The following CLDN16 variants were observed in gnomAD, a reference collection of about 807,000 sequenced individuals.
The protein encoded by CLDN16 is claudin-16.
Under a neutral mutation model 24.6 loss-of-function variants are expected in CLDN16, and 13 were observed. The ratio of observed to expected loss-of-function variants is 0.53; its 90% CI spans 0.34 to 0.84. The LOEUF (loss-of-function observed/expected upper bound fraction) is 0.84. CLDN16 is among the 40% of genes least tolerant of loss of function. The probability of loss-of-function intolerance (pLI) is 0.01; values close to 1 mark genes in which losing one functional copy is unlikely to be tolerated. For missense variants in CLDN16, 298 were observed against 292.7 expected (o/e 1.02, Z -0.13); for synonymous variants, 116 against 106.7 (o/e 1.09, Z -0.54).
At chr3:190,333,531 C>CATCTATCTATCT in intron 1 of CLDN16, among the ~76,000 whole-genome samples, 1 of 143,680 alleles carries the variant, frequency 7.0e-6, no homozygotes, top group Non-Finnish European at 1.5e-5. Context: ...ATCAGTCTAT[C>CATCTATCTATCT]ATCTATCTAT....
At chr3:190,335,989 A>T (rs900829427) in intron 1 of CLDN16, among the ~76,000 whole-genome samples, 1 of 152,138 alleles carries the variant, frequency 6.6e-6, no homozygotes, top group Non-Finnish European at 1.5e-5. Context: ...CAATTGCTAA[A>T]GTGTTGGAGA....
intron 3 of CLDN16, among the ~76,000 whole-genome samples, chr3:190,380,492 G>A (rs547475584): frequency 4.9e-4 from 75 of 152,080 alleles, no homozygotes; most frequent in African/African-American, 1.6e-3. Context: ...AAGCATTTTA[G>A]GCAGAAGAAA....
At chr3:190,348,253 CAAAA>C (rs35983526) in intron 1 of CLDN16, among the ~76,000 whole-genome samples, 1 of 56,018 alleles carries the variant, frequency 1.8e-5, no homozygotes, top group Non-Finnish European at 3.2e-5. Context: ...GACTCCGTCT[CAAAA>C]AAAAAAAAAA....
intron 3 of CLDN16, among the ~76,000 whole-genome samples, chr3:190,407,569 G>T (rs1719137739): frequency 6.6e-6 from 1 of 152,076 alleles, no homozygotes; most frequent in Non-Finnish European, 1.5e-5. Context: ...TTGCATCTAG[G>T]CTTCAACATG....
At chr3:190,405,958 A>G (rs1719086422) in intron 3 of CLDN16, among the ~76,000 whole-genome samples, 2 of 152,168 alleles carry the variant, frequency 1.3e-5, no homozygotes, top group South Asian at 4.1e-4. Flanking sequence ...TTGTCTGCTA[A>G]CAAAGCGAAT....
chr3:190,340,369 G>A (rs1717400043), intron 1 of CLDN16, among the ~76,000 whole-genome samples: 2 of 152,152 alleles, frequency 1.3e-5, no homozygotes, highest in South Asian at 2.1e-4. Context: ...GCAGCGGGGA[G>A]GCCTCACAAT....
At chr3:190,369,401 G>T (rs1233092411) in intron 1 of CLDN16, among the ~76,000 whole-genome samples, 1 of 151,914 alleles carries the variant, frequency 6.6e-6, no homozygotes, top group Non-Finnish European at 1.5e-5. Context: ...ATCTGGTTTA[G>T]AGAAGCTGCT....
intron 3 of CLDN16, among the ~76,000 whole-genome samples, chr3:190,378,104 C>A (rs1207927645): frequency 6.6e-6 from 1 of 151,972 alleles, no homozygotes. Flanking sequence ...CCACCCCAAT[C>A]ATCTGTTTCC....
chr3:190,343,269 G>A (rs115429499), intron 1 of CLDN16, among the ~76,000 whole-genome samples: 18 of 151,986 alleles, frequency 1.2e-4, no homozygotes, highest in Admixed American at 2.6e-4. Flanking sequence ...ACCACCTCAC[G>A]CCTGTTAGGA....
At chr3:190,365,372 T>A (rs750754163) in intron 1 of CLDN16, among the ~76,000 whole-genome samples, 1 of 151,688 alleles carries the variant, frequency 6.6e-6, no homozygotes, top group Non-Finnish European at 1.5e-5. Flanking sequence ...CTTTATTGTA[T>A]TGGCCAGTGA....
intron 1 of CLDN16, among the ~76,000 whole-genome samples, chr3:190,390,528 A>G (rs9990412): frequency 0.19 from 28,375 of 147,206 alleles, 3,088 homozygotes; most frequent in Middle Eastern, 0.3. Flanking sequence ...GCGAGACTCC[A>G]TCTTAAAAAA....
upstream of CLDN16, among the ~76,000 whole-genome samples, chr3:190,386,709 T>C (rs955733124): frequency 6.6e-6 from 1 of 152,170 alleles, no homozygotes; most frequent in Non-Finnish European, 1.5e-5. Flanking sequence ...AAATTCTGGA[T>C]AGCAGGGGTG....
chr3:190,382,242 A>AC (rs1186036036), intron 3 of CLDN16, among the ~76,000 whole-genome samples: 2 of 151,918 alleles, frequency 1.3e-5, no homozygotes, highest in Non-Finnish European at 2.9e-5. Flanking sequence ...CACTCAAAAC[A>AC]CCCCCCATTG....
Position 190,410,169 on chromosome 3 carries a change from ATG to A in CLDN16, c.*135_*136del. On this transcript the variant is annotated 3_prime_UTR_variant, in exon 5 of 5. Coordinates refer to ENST00000264734, the MANE Select transcript of CLDN16 (RefSeq NM_006580.4). ...TAAATTAATTGCTAGCTTAATCAAA[ATG>A]TTTGATTCTCCTATACTTTTTCTTT... 1 of 1,050,042 alleles carries A rather than the reference ATG, an allele frequency of 9.5e-7. No individual in the cohort carries two copies. The allele number at this position is 1,050,042 out of a possible 1,614,324, so 65.0% of individuals were successfully genotyped here.
At chr3:190,345,030 A>G (rs80064610) in intron 1 of CLDN16, among the ~76,000 whole-genome samples, 4,492 of 152,276 alleles carry the variant, frequency 0.029, 109 homozygotes, top group East Asian at 0.081. Context: ...GCTAATACCA[A>G]TGTTAACACT....
the CLDN16 span, among the ~76,000 whole-genome samples, chr3:190,312,160 A>G: frequency 2.6e-5 from 4 of 151,820 alleles, no homozygotes; most frequent in Non-Finnish European, 5.9e-5. Flanking sequence ...TGAACTCACG[A>G]CCTCAGGTGA....
chr3:190,380,820 A>G (rs1718355740), intron 3 of CLDN16, among the ~76,000 whole-genome samples: 1 of 152,050 alleles, frequency 6.6e-6, no homozygotes, highest in Non-Finnish European at 1.5e-5. Flanking sequence ...TAAAATTTTT[A>G]GTTGTGTATC....
At chr3:190,308,561 C>A in the CLDN16 span, 1 of 929,762 alleles carries the variant, frequency 1.1e-6, no homozygotes, top group Non-Finnish European at 1.7e-6. Context: ...CCCTGAATAT[C>A]CCTTGGGAAG....
chr3:190,361,162 A>G (rs1717880068), intron 1 of CLDN16, among the ~76,000 whole-genome samples: 1 of 152,016 alleles, frequency 6.6e-6, no homozygotes, highest in African/African-American at 2.4e-5. Context: ...TTGAGTCAGT[A>G]ATTACCCAGC....
Sources: gnomAD v4.1 joint callset for allele counts (sites outside exome capture counted in the v4.1 genomes callset) on GRCh38, gnomAD v4.1.1 for gene constraint, MANE v1.5 for transcripts, NCBI Gene and HGNC (gene_info 2026-07-23, HGNC 2026-07-21) for gene names.